Variants in SYNJ2 observed in about 807,000 individuals in gnomAD.
SYNJ2 encodes synaptojanin 2.
A neutral mutation model predicts 141.3 loss-of-function variants in SYNJ2; 116 were observed. The observed-to-expected ratio is 0.82, with a 90% CI of 0.71 to 0.96. The LOEUF (loss-of-function observed/expected upper bound fraction) is 0.96, where lower values mean the gene tolerates loss of function less well. Among genes scored for constraint, SYNJ2 ranks in the 40% least tolerant of loss-of-function variants. SYNJ2 has a pLI of 0.00. For missense variants in SYNJ2, 1,873 were observed against 1,934.8 expected, an observed-to-expected ratio of 0.97 and a Z score of 0.60; for synonymous variants, 745 against 777.7, an observed-to-expected ratio of 0.96 and a Z score of 0.70.
intron 12 of SYNJ2, among the ~76,000 whole-genome samples, chr6:158,068,275 T>C (rs1467207999): frequency 1.3e-5 from 2 of 152,030 alleles, no homozygotes; most frequent in Non-Finnish European, 2.9e-5. Context: ...AGCTGGACCC[T>C]GGGGAGGTGG....
chr6:158,000,486 C>G (rs1777804427), intron 1 of SYNJ2, among the ~76,000 whole-genome samples: 1 of 152,138 alleles, frequency 6.6e-6, no homozygotes, highest in Non-Finnish European at 1.5e-5. Context: ...GCCCCTCTAA[C>G]CCAGGTGAGA....
chr6:158,059,223 G>A, intron 6 of SYNJ2, 34 bp from the exon 7 acceptor site: 3 of 1,521,998 alleles, frequency 2.0e-6, no homozygotes, highest in Non-Finnish European at 2.6e-6. Context: ...CTGTGCCCGT[G>A]CCCAGCATCA....
At chr6:158,095,148 C>CAA (rs776140659) in intron 26 of SYNJ2, among the ~76,000 whole-genome samples, 220 of 113,564 alleles carry the variant, frequency 1.9e-3, no homozygotes, top group African/African-American at 6.6e-3. Flanking sequence ...GACTCCTTCT[C>CAA]AAAAAAAAAA....
intron 6 of SYNJ2, among the ~76,000 whole-genome samples, chr6:158,056,955 G>A (rs1201549783): frequency 6.6e-6 from 1 of 151,904 alleles, no homozygotes; most frequent in Non-Finnish European, 1.5e-5. Context: ...CTGCTTGAGT[G>A]GGGTCTTGTC....
intron 26 of SYNJ2, chr6:158,093,737 C>T (rs1234856659): frequency 2.2e-5 from 13 of 599,926 alleles, no homozygotes; most frequent in Non-Finnish European, 3.9e-5. Flanking sequence ...GTTCTGGTAC[C>T]GCCCATTTGC....
chr6:158,096,456 C>T lies in SYNJ2; in HGVS notation c.*92C>T, dbSNP rs1024540516. On this transcript the variant is annotated 3_prime_UTR_variant, in exon 27 of 27. Coordinates refer to ENST00000355585, the MANE Select transcript of SYNJ2 (RefSeq NM_003898.4). ...CAGAAGAGACATCTATTTAAAGGCA[C>T]ACTGGCCAAAACGTTTGTGCATCTG... 3.5e-6 allele frequency: 5 copies of T among 1,426,504 alleles called. No individual in the cohort carries two copies. The highest frequency in any genetic ancestry group is 2.8e-6 in the Non-Finnish European group (3 of 1,072,612). 88.4% of individuals were successfully genotyped at this position (1,426,504 alleles called of 1,614,324 possible).
At position 158,066,982 on chromosome 6, in the gene SYNJ2, G is replaced by A. The variant is rs574079587; in HGVS notation, c.1717+347G>A. ...AACTGTGAGGTTGGGAGCCAAGCCTGTCTTCGGTGTTTTGTTTTTGTTTTT... is the reference window on the plus strand; with the variant it reads ...AACTGTGAGGTTGGGAGCCAAGCCTATCTTCGGTGTTTTGTTTTTGTTTTT... On this transcript the variant is annotated intron_variant, in intron 12 of 26. Transcript: ENST00000355585. Among the ~76,000 whole-genome samples the A allele has an allele frequency of 2.9e-3, 439 of 152,232 alleles. 2 individuals carry two copies. Among genetic ancestry groups the A allele is most frequent in the African/African-American group, 0.01 (418 of 41,542 alleles).
At chr6:158,068,770 G>A (rs774602824) in intron 13 of SYNJ2, 42 bp downstream of exon 13, 3 of 1,606,288 alleles carry the variant, frequency 1.9e-6, no homozygotes, top group Admixed American at 3.3e-5. Flanking sequence ...GACTTCCTGA[G>A]TCAGGTGCCT....
chr6:158,009,081 T>C (rs1224064282), intron 1 of SYNJ2, among the ~76,000 whole-genome samples: 1 of 152,188 alleles, frequency 6.6e-6, no homozygotes, highest in Non-Finnish European at 1.5e-5. Flanking sequence ...TGCAGCCATC[T>C]CCCTGGCTTC....
At chr6:158,056,624 C>T (rs1021189833) in intron 6 of SYNJ2, among the ~76,000 whole-genome samples, 2 of 152,144 alleles carry the variant, frequency 1.3e-5, no homozygotes, top group African/African-American at 4.8e-5. Flanking sequence ...CCATGAGGGT[C>T]CCCCTGAAAG....
In SYNJ2 at chr6:158,083,544, C is replaced by A; in HGVS notation, c.2981C>A (p.Ser994Tyr). Residue 994 changes from serine (S) to tyrosine (Y), a missense_variant, in exon 21 of 27, where the codon TCC (serine) becomes TAC (tyrosine). Coordinates refer to ENST00000355585, the MANE Select transcript of SYNJ2 (RefSeq NM_003898.4). ...SMAPVSPTAN[S>Y]CLLEENFDFT... ...GCCCCCGTGTCTCCCACTGCCAACT[C>A]CTGTTTGCTGGAGGAAAACTTTGAC... The A allele has an allele frequency of 6.2e-7, 1 of 1,614,178 alleles. No homozygotes were observed. Among genetic ancestry groups the A allele is most frequent in the Non-Finnish European group, 8.5e-7 (1 of 1,180,044 alleles).
intron 22 of SYNJ2, among the ~76,000 whole-genome samples, chr6:158,085,210 G>A (rs1158067472): frequency 6.6e-6 from 1 of 151,844 alleles, no homozygotes; most frequent in Non-Finnish European, 1.5e-5. Flanking sequence ...TTGTAGAGAC[G>A]GGGTCTCACT....
chr6:158,064,643 C>G lies in SYNJ2; in HGVS notation c.1252C>G (p.Pro418Ala). Residue 418 changes from proline (P) to alanine (A), a missense_variant, in exon 10 of 27, where the codon CCC becomes GCC. Transcript: ENST00000355585. The part of the protein sequence containing the change: ...QLKTLGLSSK[P>A]IVDRFVESFK... The stretch of plus-strand genomic sequence containing the variant: ...CAAGACCCTGGGGCTGAGTTCAAAA[C>G]CCATCGTTGACCGCTTTGTGGAGTC... 4 of 1,614,098 alleles carry G rather than the reference C, an allele frequency of 2.5e-6. No homozygotes were observed. Among genetic ancestry groups the G allele is most frequent in the Non-Finnish European group, 3.4e-6 (4 of 1,180,034 alleles).
intron 24 of SYNJ2, among the ~76,000 whole-genome samples, chr6:158,089,014 C>T (rs1783263032): frequency 6.6e-6 from 1 of 152,178 alleles, no homozygotes; most frequent in South Asian, 2.1e-4. Context: ...TTTCCATACT[C>T]ATCCATTTCT....
chr6:158,082,350 A>G (rs892548364), intron 20 of SYNJ2, among the ~76,000 whole-genome samples: 1 of 151,950 alleles, frequency 6.6e-6, no homozygotes, highest in Non-Finnish European at 1.5e-5. Context: ...AGCCAGGCAT[A>G]GTGGCAGGTG....
chr6:158,074,866 A>G (rs1782168630), intron 16 of SYNJ2, 128 bp downstream of exon 16: 3 of 1,157,776 alleles, frequency 2.6e-6, no homozygotes, highest in South Asian at 1.4e-5. Flanking sequence ...ATTGTAGAAA[A>G]TAGGTGGGCT....
At chr6:158,017,011 A>C (rs1021847944) in intron 1 of SYNJ2, 193 bp from the exon 2 acceptor site, 4 of 1,277,574 alleles carry the variant, frequency 3.1e-6, no homozygotes, top group Non-Finnish European at 4.0e-6. Context: ...TGTTGGTGGG[A>C]AGGTCTGAAT....
Position 157,982,175 on chromosome 6 carries a change from G to A in SYNJ2, c.127+87G>A. 1 of 1,246,216 alleles carries A rather than the reference G, an allele frequency of 8.0e-7. No individual in the cohort carries two copies. The highest frequency in any genetic ancestry group is 1.0e-6 in the Non-Finnish European group (1 of 993,728). 77.2% of individuals were successfully genotyped at this position (1,246,216 alleles called of 1,614,324 possible). A position where few individuals can be genotyped will look rare whatever the true frequency, so the allele number is the denominator to read the frequency against. On this transcript the variant is annotated intron_variant, in intron 1 of 26. Coordinates refer to ENST00000355585, the MANE Select transcript of SYNJ2 (RefSeq NM_003898.4). This position sits in a 1 kb window ranked among gnomAD's most constrained non-coding sequence, Gnocchi z 4.0. ...GGGAAGACGGGTACCCCCCCTTCCC[G>A]AGGGGATCGGGCGGCGCTGGGACTG...
chr6:157,990,728 T>A (rs1405455633), intron 1 of SYNJ2, among the ~76,000 whole-genome samples: 1 of 152,242 alleles, frequency 6.6e-6, no homozygotes, highest in Non-Finnish European at 1.5e-5. Flanking sequence ...GCTGCCTGTC[T>A]GTGAATGCTA....
Sources: allele counts gnomAD v4.1 joint callset (sites outside exome capture counted in the v4.1 genomes callset), GRCh38; gene constraint gnomAD v4.1.1; non-coding constraint Gnocchi (gnomAD v3.1); transcripts MANE v1.5; gene names NCBI Gene and HGNC (gene_info 2026-07-23, HGNC 2026-07-21).